LRRC57: variants seen among roughly 807,000 people sequenced by gnomAD.
LRRC57 encodes leucine-rich repeat-containing protein 57.
In LRRC57, 14 loss-of-function variants were observed where a neutral mutation model predicts 23.1. The observed-to-expected ratio is 0.61, with a 90% CI of 0.40 to 0.95. The LOEUF (loss-of-function observed/expected upper bound fraction) is 0.95, where lower values mean the gene tolerates loss of function less well. Among genes scored for constraint, LRRC57 ranks in the 40% least tolerant of loss-of-function variants. The probability of loss-of-function intolerance (pLI) is 0.00; values close to 1 mark genes in which losing one functional copy is unlikely to be tolerated. For synonymous variants in LRRC57, 106 were observed against 115.2 expected (o/e 0.92, Z 0.51); for missense variants, 236 against 284.4 (o/e 0.83, Z 1.22).
downstream of LRRC57, among the ~76,000 whole-genome samples, chr15:42,537,248 C>CACACACACACACACACACACACACAT (rs898846158): frequency 4.0e-3 from 602 of 149,582 alleles, 5 homozygotes; most frequent in African/African-American, 0.014. Flanking sequence ...CACACACACA[C>CACACACACACACACACACACACACAT]ACACACACAC....
Position 42,544,047 on chromosome 15 carries a change from C to T in LRRC57, c.*36G>A. 5 of 1,597,176 alleles carry T rather than the reference C, an allele frequency of 3.1e-6. No individual in the cohort carries two copies. Among genetic ancestry groups the T allele is most frequent in the Non-Finnish European group, 4.3e-6 (5 of 1,167,096 alleles). On this transcript the variant is annotated 3_prime_UTR_variant, in exon 6 of 6. Coordinates refer to ENST00000397130, the MANE Select transcript of LRRC57 (RefSeq NM_153260.3). ...CCACATTCCAACAGAGGTTCTAAGT[C>T]AGTATCCTGTAAGGTTTCCATAGTC...
At chr15:42,529,282 T>A in the LRRC57 span, among the ~76,000 whole-genome samples, 1 of 152,206 alleles carries the variant, frequency 6.6e-6, no homozygotes, top group Non-Finnish European at 1.5e-5. Flanking sequence ...CTTCTTTAGA[T>A]AGACTTAACT....
At chr15:42,547,563 T>C (rs769987481) in intron 3 of LRRC57, 34 bp from the exon 4 acceptor site, 1 of 1,573,916 alleles carries the variant, frequency 6.4e-7, no homozygotes, top group Admixed American at 1.8e-5. Flanking sequence ...AACCTGAATG[T>C]GATAGAGCTG....
At chr15:42,529,857 C>T in the LRRC57 span, 3,351 of 1,602,572 alleles carry the variant, frequency 2.1e-3, 69 homozygotes, top group African/African-American at 0.041. Context: ...ATGAGACACC[C>T]AGTTCAGTGT....
At chr15:42,529,826 G>T in the LRRC57 span, 1 of 1,609,374 alleles carries the variant, frequency 6.2e-7, no homozygotes, top group Non-Finnish European at 8.5e-7. Flanking sequence ...CAAGGTAAAA[G>T]CTTTTTATTG....
the LRRC57 span, chr15:42,528,339 T>A: frequency 8.7e-6 from 14 of 1,614,132 alleles, no homozygotes; most frequent in Non-Finnish European, 1.1e-5. Context: ...TGCAATGTAG[T>A]ATCTAAACAG....
At position 42,538,998 on chromosome 15, in the gene LRRC57, C is replaced by T. The variant is rs1278972258; in HGVS notation, c.*5085G>A. The T allele has an allele frequency of 6.6e-6, 1 of 151,688 alleles. No individual in the cohort carries two copies. The highest frequency in any genetic ancestry group is 1.5e-5 in the Non-Finnish European group (1 of 67,978). The allele number at this position is 151,688 out of a possible 1,614,324, so 9.4% of individuals were successfully genotyped here. On this transcript the variant is annotated 3_prime_UTR_variant, in exon 6 of 6. Transcript: ENST00000397130. The stretch of plus-strand genomic sequence containing the variant: ...GAGTTTGGGGCCAGCCTGGGGAACA[C>T]AGGAAGACCCCGTCTTTCTAAAAAA...
the LRRC57 span, chr15:42,528,410 T>C: frequency 6.2e-7 from 1 of 1,614,146 alleles, no homozygotes; most frequent in Non-Finnish European, 8.5e-7. Flanking sequence ...CAGTGGTGGA[T>C]ACATTAAACG....
the LRRC57 span, among the ~76,000 whole-genome samples, chr15:42,531,142 G>C: frequency 2.6e-5 from 4 of 152,098 alleles, no homozygotes; most frequent in Non-Finnish European, 5.9e-5. Context: ...ATGCATCCCA[G>C]TTTCAGGCAT....
At chr15:42,544,841 A>AAAATATATATATATATATATATATAT (rs767685010) in intron 5 of LRRC57, among the ~76,000 whole-genome samples, 3 of 106,602 alleles carry the variant, frequency 2.8e-5, no homozygotes, top group African/African-American at 1.0e-4. Context: ...ACACACACAC[A>AAAATATATATATATATATATATATAT]CTATATATAT....
chr15:42,547,870 GTTC>G (rs1303466628), intron 3 of LRRC57: 1 of 564,522 alleles, frequency 1.8e-6, no homozygotes, highest in Non-Finnish European at 3.1e-6. Flanking sequence ...TCCCCAAAAT[GTTC>G]TTCTCTTTCA....
the LRRC57 span, chr15:42,529,896 T>C: frequency 1.4e-6 from 2 of 1,462,538 alleles, no homozygotes; most frequent in Non-Finnish European, 1.9e-6. Context: ...TGCTAGATAC[T>C]GTGGGGGACA....
intron 4 of LRRC57, 59 bp from the exon 5 acceptor site, chr15:42,545,321 T>A: frequency 8.2e-7 from 1 of 1,214,020 alleles, no homozygotes; most frequent in Non-Finnish European, 1.1e-6. Flanking sequence ...CTGGTTACTT[T>A]TAGTACATTA....
chr15:42,532,871 C>T (rs1175763870), downstream of LRRC57: 3 of 152,638 alleles, frequency 2.0e-5, no homozygotes, highest in Non-Finnish European at 2.9e-5. Flanking sequence ...CACTCTTTCT[C>T]TTACCCTTGT....
In LRRC57 at chr15:42,543,866, A is replaced by C. The variant is rs995018136; in HGVS notation, c.*217T>G. 2 of 442,270 alleles carry C rather than the reference A, an allele frequency of 4.5e-6. No individual in the cohort carries two copies. Among genetic ancestry groups the C allele is most frequent in the African/African-American group, 3.9e-5 (2 of 51,136 alleles). The allele number at this position is 442,270 out of a possible 1,614,324, so 27.4% of individuals were successfully genotyped here. A position where few individuals can be genotyped will look rare whatever the true frequency, so the allele number is the denominator to read the frequency against. ...TGTCTATTGCCCTACTCATGACTCA[A>C]AACGGAAGACTTTTCCTGTCTCCTG... is the stretch of plus-strand genomic sequence containing the variant. On this transcript the variant is annotated 3_prime_UTR_variant, in exon 6 of 6. Coordinates refer to ENST00000397130, the MANE Select transcript of LRRC57 (RefSeq NM_153260.3).
At chr15:42,532,613 ATT>A in the LRRC57 span, 1 of 152,636 alleles carries the variant, frequency 6.6e-6, no homozygotes, top group African/African-American at 2.4e-5. Context: ...TAACATGAGA[ATT>A]TCTCTCTAAA....
chr15:42,533,787 T>A (rs1374505138), downstream of LRRC57, among the ~76,000 whole-genome samples: 2 of 152,240 alleles, frequency 1.3e-5, no homozygotes, highest in Admixed American at 6.5e-5. Context: ...ACCACTACCA[T>A]AAAGCTAGTA....
At chr15:42,537,233 T>A (rs61021119), downstream of LRRC57, among the ~76,000 whole-genome samples, 34,829 of 136,006 alleles carry the variant, frequency 0.26, 4,707 homozygotes, top group African/African-American at 0.42. Context: ...TCTCTCTCTC[T>A]CACACACACA....
the LRRC57 span, chr15:42,531,405 T>C: frequency 2.0e-6 from 3 of 1,532,960 alleles, no homozygotes; most frequent in Non-Finnish European, 2.6e-6. Context: ...ATCTTTCTTG[T>C]TTTTCAGGCT....
Sources: allele counts gnomAD v4.1 joint callset (sites outside exome capture counted in the v4.1 genomes callset), GRCh38; gene constraint gnomAD v4.1.1; transcripts MANE v1.5; gene names NCBI Gene and HGNC (gene_info 2026-07-23, HGNC 2026-07-21).